PTPRD: variants seen among roughly 807,000 people sequenced by gnomAD.
PTPRD encodes the protein protein tyrosine phosphatase receptor type D.
A neutral mutation model predicts 214.5 loss-of-function variants in PTPRD; 34 were observed. The observed-to-expected ratio is 0.16, with a 90% CI of 0.12 to 0.21. The LOEUF is 0.21. Ranked by LOEUF, PTPRD falls within the 10% of genes least tolerant of loss-of-function variation. The probability of loss-of-function intolerance (pLI) is 1.00; values close to 1 mark genes in which losing one functional copy is unlikely to be tolerated. For synonymous variants in PTPRD, 1,128 were observed against 845.7 expected, an observed-to-expected ratio of 1.33 and a Z score of -5.79; for missense variants, 2,545 against 2,398.7, an observed-to-expected ratio of 1.06 and a Z score of -1.27.
At chr9:9,932,137 C>G (rs964716092) in intron 5 of PTPRD, among the ~76,000 whole-genome samples, 11 of 148,538 alleles carry the variant, frequency 7.4e-5, no homozygotes, top group Admixed American at 1.3e-4. Flanking sequence ...AAAAACAGAA[C>G]AGAAAAACTG....
intron 11 of PTPRD, among the ~76,000 whole-genome samples, chr9:9,008,552 A>G (rs1014914265): frequency 6.6e-6 from 1 of 152,000 alleles, no homozygotes; most frequent in Non-Finnish European, 1.5e-5. Context: ...GTGAAAACGC[A>G]TTCTAGTGTG....
intron 5 of PTPRD, among the ~76,000 whole-genome samples, chr9:9,872,601 C>G (rs1395970632): frequency 6.6e-6 from 1 of 151,930 alleles, no homozygotes; most frequent in African/African-American, 2.4e-5. Flanking sequence ...AAACAACCAC[C>G]ACCACCACCA....
At chr9:9,524,918 C>T (rs927017483) in intron 8 of PTPRD, among the ~76,000 whole-genome samples, 3 of 152,270 alleles carry the variant, frequency 2.0e-5, no homozygotes, top group East Asian at 1.9e-4. Context: ...AGTACAGTGG[C>T]GCAATCTCGG....
intron 9 of PTPRD, among the ~76,000 whole-genome samples, chr9:9,329,971 T>G (rs2041693809): frequency 1.3e-5 from 2 of 152,150 alleles, no homozygotes; most frequent in South Asian, 4.1e-4. Flanking sequence ...GAAGGTGGCT[T>G]TTCCTTGATT....
intron 11 of PTPRD, among the ~76,000 whole-genome samples, chr9:9,000,177 C>T (rs907611390): frequency 8.6e-5 from 13 of 152,002 alleles, no homozygotes; most frequent in African/African-American, 2.9e-4. Flanking sequence ...CCACCATTGG[C>T]GCTGCATGTG....
At chr9:9,219,866 A>G (rs1397179508) in intron 9 of PTPRD, among the ~76,000 whole-genome samples, 1 of 152,176 alleles carries the variant, frequency 6.6e-6, no homozygotes, top group Non-Finnish European at 1.5e-5. Context: ...ATCTGCCCCA[A>G]TTTCAGCAAA....
In PTPRD at chr9:9,740,361, AT is replaced by A. The variant is rs35876773; in HGVS notation, c.-325-5791del. On this transcript the variant is annotated intron_variant, in intron 6 of 45. Coordinates refer to ENST00000381196, the MANE Select transcript of PTPRD (RefSeq NM_002839.4). Reference sequence around the variant, plus strand: ...GTTCCATTTTATCTCTAAAACTACTATTTTTTTTTTTTTGGAGATGGAGTCT... The same window carrying A: ...GTTCCATTTTATCTCTAAAACTACTATTTTTTTTTTTTGGAGATGGAGTCT... 6.2e-3 allele frequency among the ~76,000 whole-genome samples: 900 copies of A among 145,498 alleles called. 12 individuals carry two copies. Among genetic ancestry groups the A allele is most frequent in the African/African-American group, 0.02 (788 of 39,410 alleles).
intron 9 of PTPRD, among the ~76,000 whole-genome samples, chr9:9,345,150 A>T (rs1259162470): frequency 1.3e-5 from 2 of 152,192 alleles, no homozygotes; most frequent in African/African-American, 2.4e-5. Flanking sequence ...ACAAATGCTA[A>T]TTTTAGGACA....
intron 32 of PTPRD, among the ~76,000 whole-genome samples, chr9:8,463,237 T>C (rs1231039864): frequency 6.7e-6 from 1 of 149,290 alleles, no homozygotes; most frequent in African/African-American, 2.5e-5. Flanking sequence ...ACTGACTAGA[T>C]TTGCAGATTT....
At chr9:9,408,681 G>A (rs756957721) in intron 8 of PTPRD, among the ~76,000 whole-genome samples, 1 of 151,858 alleles carries the variant, frequency 6.6e-6, no homozygotes, top group Non-Finnish European at 1.5e-5. Context: ...TTATCAGACA[G>A]AACATTGTTT....
chr9:9,309,094 C>G (rs915130826), intron 9 of PTPRD, among the ~76,000 whole-genome samples: 1 of 151,780 alleles, frequency 6.6e-6, no homozygotes, highest in Non-Finnish European at 1.5e-5. Context: ...AATAAAAAAC[C>G]AAGAATTTAT....
At chr9:8,501,102 C>A (rs1274019214) in intron 23 of PTPRD, 43 bp from the exon 24 acceptor site, 7 of 1,437,022 alleles carry the variant, frequency 4.9e-6, no homozygotes, top group South Asian at 2.6e-5. Flanking sequence ...AGTGAAAGGA[C>A]AGGAGTGGTT....
chr9:10,559,793 A>C (rs2063454497), intron 2 of PTPRD, among the ~76,000 whole-genome samples: 1 of 152,136 alleles, frequency 6.6e-6, no homozygotes, highest in African/African-American at 2.4e-5. Flanking sequence ...ATGCAGCCAA[A>C]AAACACATGA....
In PTPRD at chr9:10,323,468, T is replaced by G. The variant is rs535442022; in HGVS notation, c.-545+17495A>C. Among the ~76,000 whole-genome samples the G allele has an allele frequency of 1.1e-4, 17 of 150,944 alleles. No homozygotes were observed. The East Asian group carries it at 1.4e-3, about 12-fold the overall frequency. ...ATCCACTATGCCTGGCTAATTTTGT[T>G]TATTTATTTATGTATTTATTAGAGA... is the stretch of plus-strand genomic sequence containing the variant. On this transcript the variant is annotated intron_variant, in intron 3 of 45. Transcript: ENST00000381196.
In PTPRD at chr9:9,806,130, G is replaced by T. The variant is rs1253714158; in HGVS notation, c.-367-39279C>A. ...TAAGATGCACGGGTCTTATTTAAAG[G>T]TTGCTGGTGTTAGAGTAGGTAGGCA... On this transcript the variant is annotated intron_variant, in intron 5 of 45. Coordinates refer to ENST00000381196, the MANE Select transcript of PTPRD (RefSeq NM_002839.4). Among the ~76,000 whole-genome samples, 5 of 152,100 alleles carry T rather than the reference G, an allele frequency of 3.3e-5. 1 individual carries two copies. Among genetic ancestry groups the T allele is most frequent in the Admixed American group, 2.6e-4 (4 of 15,254 alleles).
intron 2 of PTPRD, among the ~76,000 whole-genome samples, chr9:10,550,834 T>C (rs2061181759): frequency 6.6e-6 from 1 of 152,188 alleles, no homozygotes; most frequent in African/African-American, 2.4e-5. Flanking sequence ...GATATAAGCT[T>C]TTTCTCCACC....
chr9:8,521,332 A>G lies in PTPRD; in HGVS notation c.906T>C (p.Cys302=), dbSNP rs764168454. The change falls in exon 20 of 46, where the codon TGT becomes TGC. Residue 302 remains cysteine, a synonymous_variant. Coordinates refer to ENST00000381196, the MANE Select transcript of PTPRD (RefSeq NM_002839.4). ...NDVRQSANYT[C]VAMSTLGVIE... is the part of the protein sequence containing the mutation. The stretch of plus-strand genomic sequence containing the variant: ...TGACACCCAGTGTTGACATAGCAAC[A>G]CAGGTGTAATTTGCTGACTGTCTTA... 13 of 1,613,956 alleles carry G rather than the reference A, an allele frequency of 8.1e-6. No individual in the cohort carries two copies. Among genetic ancestry groups the G allele is most frequent in the Middle Eastern group, 3.3e-4 (2 of 6,060 alleles).
chr9:9,719,938 A>G (rs1377257820), intron 7 of PTPRD, among the ~76,000 whole-genome samples: 1 of 152,148 alleles, frequency 6.6e-6, no homozygotes, highest in Non-Finnish European at 1.5e-5. Flanking sequence ...AGCCAACATG[A>G]CTAACTGTGT....
intron 4 of PTPRD, among the ~76,000 whole-genome samples, chr9:10,030,706 G>T (rs971107501): frequency 6.6e-6 from 1 of 152,014 alleles, no homozygotes; most frequent in African/African-American, 2.4e-5. Context: ...AAAAATTCCA[G>T]TTGAGAAAAT....
Sources: gnomAD v4.1 joint callset for allele counts (sites outside exome capture counted in the v4.1 genomes callset) on GRCh38, gnomAD v4.1.1 for gene constraint, MANE v1.5 for transcripts, NCBI Gene and HGNC (gene_info 2026-07-23, HGNC 2026-07-21) for gene names.